Variants in SYTL3 observed in about 807,000 individuals in gnomAD.
SYTL3 encodes the protein synaptotagmin-like protein 3.
SYTL3 carries 88 observed loss-of-function variants against 82.1 expected under a neutral mutation model. The observed-to-expected ratio is 1.07, with a 90% CI of 0.90 to 1.28. SYTL3 has a LOEUF of 1.28. Ranked by LOEUF, SYTL3 falls within the 50% of genes most tolerant of loss-of-function variation. The probability of loss-of-function intolerance (pLI) is 0.00; values close to 1 mark genes in which losing one functional copy is unlikely to be tolerated. For synonymous variants in SYTL3, 311 were observed against 289.4 expected (o/e 1.07, Z -0.76); for missense variants, 831 against 757.6 (o/e 1.10, Z -1.14).
At chr6:158,706,593 G>T (rs1432551577) in intron 6 of SYTL3, among the ~76,000 whole-genome samples, 1 of 152,184 alleles carries the variant, frequency 6.6e-6, no homozygotes, top group Non-Finnish European at 1.5e-5. Flanking sequence ...CCCCCTGCTG[G>T]ACGAGGACTG....
At chr6:158,737,051 AAAC>A (rs1015258089) in intron 11 of SYTL3, among the ~76,000 whole-genome samples, 26 of 151,482 alleles carry the variant, frequency 1.7e-4, no homozygotes, top group African/African-American at 3.2e-4. Context: ...AAAAAAAAAA[AAAC>A]AACGAAAAAT....
intron 5 of SYTL3, among the ~76,000 whole-genome samples, chr6:158,674,121 TGA>T (rs1777755024): frequency 2.8e-4 from 39 of 140,698 alleles, no homozygotes; most frequent in African/African-American, 9.3e-4. Context: ...ATAATAATAA[TGA>T]TGATGATGAT....
At chr6:158,679,324 T>G (rs1293998417) in intron 5 of SYTL3, among the ~76,000 whole-genome samples, 1 of 151,894 alleles carries the variant, frequency 6.6e-6, no homozygotes, top group Non-Finnish European at 1.5e-5. Context: ...GAGCCGAGAT[T>G]ATGCCACTGC....
At chr6:158,716,878 G>A (rs1294495585) in intron 9 of SYTL3, among the ~76,000 whole-genome samples, 2 of 152,164 alleles carry the variant, frequency 1.3e-5, no homozygotes, top group Non-Finnish European at 2.9e-5. Flanking sequence ...TGAACACACT[G>A]GGTTTCAGAG....
At chr6:158,733,520 G>A (rs558922344) in intron 11 of SYTL3, among the ~76,000 whole-genome samples, 2 of 151,912 alleles carry the variant, frequency 1.3e-5, no homozygotes, top group African/African-American at 4.8e-5. Flanking sequence ...GTAGAGACAG[G>A]GTTTCACTGT....
chr6:158,755,275 G>A (rs1044799605), intron 13 of SYTL3, among the ~76,000 whole-genome samples: 1 of 152,198 alleles, frequency 6.6e-6, no homozygotes, highest in African/African-American at 2.4e-5. Context: ...CCTGGGAGGT[G>A]CAGGCTGCAG....
At chr6:158,712,576 T>C (rs1261368419) in intron 8 of SYTL3, among the ~76,000 whole-genome samples, 1 of 152,200 alleles carries the variant, frequency 6.6e-6, no homozygotes, top group Non-Finnish European at 1.5e-5. Flanking sequence ...GGATTTTAGA[T>C]GTTAGGGATT....
chr6:158,726,543 C>A, intron 11 of SYTL3: 1 of 196,484 alleles, frequency 5.1e-6, no homozygotes, highest in South Asian at 1.1e-4. Flanking sequence ...TATAAATACT[C>A]ATTTGTCTGG....
chr6:158,663,602 C>A (rs1420027419), intron 4 of SYTL3: 1 of 985,140 alleles, frequency 1.0e-6, no homozygotes, highest in East Asian at 1.1e-4. Flanking sequence ...TCTTGTTATT[C>A]ATTTAAAACG....
intron 16 of SYTL3, among the ~76,000 whole-genome samples, chr6:158,762,733 A>G (rs140245641): frequency 1.8e-3 from 276 of 152,246 alleles, no homozygotes; most frequent in African/African-American, 6.2e-3. Context: ...CCTGGCCAAC[A>G]TGATGAAACC....
At chr6:158,759,714 G>A (rs1789650029) in intron 14 of SYTL3, among the ~76,000 whole-genome samples, 1 of 151,818 alleles carries the variant, frequency 6.6e-6, no homozygotes, top group East Asian at 1.9e-4. Flanking sequence ...TTGTATTTTT[G>A]GTAGACATGG....
At chr6:158,718,708 G>A (rs952301623) in intron 10 of SYTL3, among the ~76,000 whole-genome samples, 1 of 152,250 alleles carries the variant, frequency 6.6e-6, no homozygotes, top group African/African-American at 2.4e-5. Flanking sequence ...GGCTTCTAGG[G>A]AAATAATTAT....
intron 11 of SYTL3, among the ~76,000 whole-genome samples, chr6:158,744,838 C>T (rs1461500875): frequency 6.6e-6 from 1 of 152,132 alleles, no homozygotes; most frequent in Non-Finnish European, 1.5e-5. Flanking sequence ...ATTCATTAGC[C>T]TCTCCTTATC....
intron 11 of SYTL3, among the ~76,000 whole-genome samples, chr6:158,739,715 A>G (rs375192019): frequency 3.9e-5 from 6 of 151,984 alleles, no homozygotes; most frequent in East Asian, 3.9e-4. Flanking sequence ...CCCACTCACT[A>G]TGTTGTGCAG....
chr6:158,698,803 A>G (rs1780839707), intron 6 of SYTL3, among the ~76,000 whole-genome samples: 1 of 141,240 alleles, frequency 7.1e-6, no homozygotes, highest in Admixed American at 7.0e-5. Context: ...ATTATGACAG[A>G]TTTCCTGGGG....
chr6:158,691,121 A>AG (rs1779814189), intron 6 of SYTL3, among the ~76,000 whole-genome samples: 1 of 152,062 alleles, frequency 6.6e-6, no homozygotes, highest in African/African-American at 2.4e-5. Context: ...ATGAGGTGGG[A>AG]GGATCGTTTG....
chr6:158,746,440 T>TATAATA (rs367907028), intron 12 of SYTL3, among the ~76,000 whole-genome samples: 2 of 145,604 alleles, frequency 1.4e-5, no homozygotes, highest in East Asian at 2.0e-4. Context: ...GTAGCACCAT[T>TATAATA]ATAATAATAA....
At chr6:158,687,351 G>A (rs934353149) in intron 6 of SYTL3, among the ~76,000 whole-genome samples, 4 of 152,162 alleles carry the variant, frequency 2.6e-5, no homozygotes, top group African/African-American at 9.7e-5. Context: ...CATGGCGGCT[G>A]GCTTCTCCCA....
At chr6:158,676,296 C>A (rs1778024082) in intron 5 of SYTL3, among the ~76,000 whole-genome samples, 1 of 152,062 alleles carries the variant, frequency 6.6e-6, no homozygotes. Context: ...CAAAAACAAG[C>A]AATGGGGAAA....
Sources: gnomAD v4.1 joint callset for allele counts (sites outside exome capture counted in the v4.1 genomes callset) on GRCh38, gnomAD v4.1.1 for gene constraint, MANE v1.5 for transcripts, NCBI Gene and HGNC (gene_info 2026-07-23, HGNC 2026-07-21) for gene names.